The following FMN1 variants were observed in gnomAD, a reference collection of about 807,000 sequenced individuals.
The protein encoded by FMN1 is formin 1, also known as formin-1.
Under a neutral mutation model 132.4 loss-of-function variants are expected in FMN1, and 110 were observed. The observed-to-expected ratio is 0.83, with a 90% CI of 0.71 to 0.97. FMN1 has a LOEUF of 0.97. Ranked by LOEUF, FMN1 falls within the 50% of genes least tolerant of loss-of-function variation. FMN1 has a pLI of 0.00. For synonymous variants in FMN1, 722 were observed against 651.7 expected (o/e 1.11, Z -1.64); for missense variants, 1,792 against 1,705.3 (o/e 1.05, Z -0.90).
At chr15:32,958,666 C>T (rs1796539719) in intron 9 of FMN1, among the ~76,000 whole-genome samples, 1 of 152,102 alleles carries the variant, frequency 6.6e-6, no homozygotes, top group South Asian at 2.1e-4. Context: ...TATCTGAGTT[C>T]CACAGACTCT....
chr15:32,797,549 T>C (rs976887056), intron 19 of FMN1, among the ~76,000 whole-genome samples: 4 of 152,110 alleles, frequency 2.6e-5, no homozygotes, highest in Non-Finnish European at 5.9e-5. Flanking sequence ...ATTTTTAGGA[T>C]TTTTTTTCAT....
In FMN1 at chr15:33,081,966, G is replaced by A. The variant is rs77980762; in HGVS notation, c.2043+6833C>T. On this transcript the variant is annotated intron_variant, in intron 5 of 20. Transcript: ENST00000616417. ...AAAAAGTATGCAGGGCCTCACAGGT[G>A]AGAAGGGGATTGTGATGAGCCTTGG... 3.1e-3 allele frequency among the ~76,000 whole-genome samples: 472 copies of A among 152,230 alleles called. 4 individuals carry two copies. The highest frequency in any genetic ancestry group is 0.011 in the African/African-American group (454 of 41,512).
At chr15:33,174,738 TC>T (rs1460762700) in intron 3 of FMN1, among the ~76,000 whole-genome samples, 1 of 144,922 alleles carries the variant, frequency 6.9e-6, no homozygotes, top group Non-Finnish European at 1.6e-5. Context: ...GATGTAGTTT[TC>T]CATGTTGCCA....
At chr15:32,858,687 T>C (rs1406950124) in intron 16 of FMN1, among the ~76,000 whole-genome samples, 1 of 152,236 alleles carries the variant, frequency 6.6e-6, no homozygotes, top group African/African-American at 2.4e-5. Flanking sequence ...ATGACTTATC[T>C]TATTGAAAAA....
chr15:32,956,986 T>C (rs1015825824), intron 9 of FMN1, among the ~76,000 whole-genome samples: 1 of 152,178 alleles, frequency 6.6e-6, no homozygotes, highest in Admixed American at 6.5e-5. Context: ...CTGAAGGCTT[T>C]TGGCACCACA....
chr15:32,977,104 T>C (rs2032272060), intron 7 of FMN1, among the ~76,000 whole-genome samples: 1 of 152,226 alleles, frequency 6.6e-6, no homozygotes, highest in African/African-American at 2.4e-5. Context: ...CTCATAATAA[T>C]TAATTAGTAA....
chr15:32,956,660 C>T (rs756864021), intron 9 of FMN1, among the ~76,000 whole-genome samples: 1 of 152,000 alleles, frequency 6.6e-6, no homozygotes, highest in Non-Finnish European at 1.5e-5. Flanking sequence ...GATGATAATC[C>T]CTAACCCCAT....
chr15:32,886,212 C>G (rs544597240), intron 16 of FMN1, among the ~76,000 whole-genome samples: 2 of 152,280 alleles, frequency 1.3e-5, no homozygotes, highest in African/African-American at 2.4e-5. Flanking sequence ...ACTGGCATCT[C>G]TAAAGATTAG....
At chr15:33,123,467 G>A (rs531415128) in intron 4 of FMN1, among the ~76,000 whole-genome samples, 15 of 152,136 alleles carry the variant, frequency 9.9e-5, no homozygotes, top group Non-Finnish European at 1.8e-4. Context: ...TGTGGCAATA[G>A]TTCCCCAAAG....
intron 12 of FMN1, among the ~76,000 whole-genome samples, chr15:32,905,874 T>C (rs1380333955): frequency 6.7e-6 from 1 of 149,304 alleles, no homozygotes; most frequent in Non-Finnish European, 1.5e-5. Flanking sequence ...AAAGGTGAAA[T>C]GCACCCAGGT....
rs570383998 is a variant in FMN1 at position 33,163,639 on chromosome 15, C to T, written c.-131-8594G>A. Among the ~76,000 whole-genome samples the T allele has an allele frequency of 4.3e-5, 5 of 116,810 alleles. No homozygotes were observed. The South Asian group carries it at 7.6e-4, about 18-fold the overall frequency. The allele number at this position is 116,810 out of a possible 152,430, so 76.6% of individuals were successfully genotyped here. On this transcript the variant is annotated intron_variant, in intron 3 of 20. Coordinates refer to ENST00000616417, the MANE Select transcript of FMN1 (RefSeq NM_001277313.2). ...GTTTTGTTTTGTTTTGTTTTTGAGA[C>T]GGAGTTTCACTCTTGTTGCCGAGGC...
Position 32,767,689 on chromosome 15 carries a change from G to A in FMN1, c.*6621C>T, listed in dbSNP as rs1198618995. ...ACTCTCTTTGAAGATAAGACATCTAGCTGACAGTAGGGTCATATTACTTAT... is the reference window on the plus strand; with the variant it reads ...ACTCTCTTTGAAGATAAGACATCTAACTGACAGTAGGGTCATATTACTTAT... On this transcript the variant is annotated 3_prime_UTR_variant, in exon 21 of 21. Transcript: ENST00000616417. 1.3e-5 allele frequency: 2 copies of A among 152,192 alleles called. No individual in the cohort carries two copies. Among genetic ancestry groups the A allele is most frequent in the Non-Finnish European group, 2.9e-5 (2 of 68,038 alleles). The allele number at this position is 152,192 out of a possible 1,614,324, so 9.4% of individuals were successfully genotyped here. A position where few individuals can be genotyped will look rare whatever the true frequency, so the allele number is the denominator to read the frequency against.
rs932200033 is a variant in FMN1, at chr15:32,898,898, G to A, written c.3655-5C>T. The A allele has an allele frequency of 3.8e-6, 6 of 1,569,750 alleles. No individual in the cohort carries two copies. The highest frequency in any genetic ancestry group is 2.7e-5 in the African/African-American group (2 of 74,014). On this transcript the variant is annotated splice_polypyrimidine_tract_variant and splice_region_variant and intron_variant, in intron 14 of 20. Transcript: ENST00000616417. ...CACCAGATTAATCCCATTATCCTAGGTTTAAAAGAGAAATGTACATGAAAA... is the reference window on the plus strand; with the variant it reads ...CACCAGATTAATCCCATTATCCTAGATTTAAAAGAGAAATGTACATGAAAA...
Position 32,888,299 on chromosome 15 carries a change from G to A in FMN1, c.3715-7C>T, listed in dbSNP as rs376529164. 4 of 1,602,500 alleles carry A rather than the reference G, an allele frequency of 2.5e-6. No individual in the cohort carries two copies. In the African/African-American group the frequency reaches 5.4e-5, roughly 22 times the overall value. ...TCTTTTCTGTTCCAGCTTCCTAAGA[G>A]ATATGGTAAACAAAAGTACATTATA... On this transcript the variant is annotated splice_region_variant and splice_polypyrimidine_tract_variant and intron_variant, in intron 15 of 20. Transcript: ENST00000616417.
At chr15:33,061,858 C>A (rs1281462543) in intron 6 of FMN1, among the ~76,000 whole-genome samples, 1 of 151,522 alleles carries the variant, frequency 6.6e-6, no homozygotes, top group African/African-American at 2.4e-5. Context: ...GACTGTATAC[C>A]AAATTAAATT....
In FMN1 at chr15:33,017,054, A is replaced by G. The variant is rs192128509; in HGVS notation, c.2162-8979T>C. Reference sequence around the variant, plus strand: ...TGCATCTGCGGTCATCAATATTGGCATCTCAATCAAATTTGGGGTGGCTGG... The same window carrying G: ...TGCATCTGCGGTCATCAATATTGGCGTCTCAATCAAATTTGGGGTGGCTGG... On this transcript the variant is annotated intron_variant, in intron 6 of 20. Coordinates refer to ENST00000616417, the MANE Select transcript of FMN1 (RefSeq NM_001277313.2). Among the ~76,000 whole-genome samples, 392 of 152,176 alleles carry G rather than the reference A, an allele frequency of 2.6e-3. 3 individuals carry two copies. Among genetic ancestry groups the G allele is most frequent in the African/African-American group, 9.1e-3 (376 of 41,514 alleles).
At chr15:32,978,784 T>C (rs958372480) in intron 7 of FMN1, among the ~76,000 whole-genome samples, 2 of 152,314 alleles carry the variant, frequency 1.3e-5, no homozygotes, top group East Asian at 3.9e-4. Flanking sequence ...CCATGGCCAA[T>C]GTCCACCTGC....
chr15:32,826,392 A>G (rs1394280586), intron 17 of FMN1, among the ~76,000 whole-genome samples: 1 of 152,220 alleles, frequency 6.6e-6, no homozygotes, highest in Non-Finnish European at 1.5e-5. Flanking sequence ...CCCTGGGGGA[A>G]AAACGCTGCC....
rs1042640292 is a variant in FMN1 at position 33,003,726 on chromosome 15, G to A, written c.2223+4288C>T. Among the ~76,000 whole-genome samples the A allele has an allele frequency of 9.2e-5, 14 of 152,172 alleles. 1 individual carries two copies. The highest frequency in any genetic ancestry group is 4.2e-4 in the South Asian group (2 of 4,814). ...TTCACATGGAACCAAAAAAGAGCCC[G>A]CATTGCCAAGTCAATCCTAAGCCAA... On this transcript the variant is annotated intron_variant, in intron 7 of 20. Coordinates refer to ENST00000616417, the MANE Select transcript of FMN1 (RefSeq NM_001277313.2).
Sources: gnomAD v4.1 joint callset for allele counts (sites outside exome capture counted in the v4.1 genomes callset) on GRCh38, gnomAD v4.1.1 for gene constraint, MANE v1.5 for transcripts, NCBI Gene and HGNC (gene_info 2026-07-23, HGNC 2026-07-21) for gene names.